Variants in PTPRQ observed in about 807,000 individuals in gnomAD.
The protein encoded by PTPRQ is protein tyrosine phosphatase receptor type Q.
A neutral mutation model predicts 246.0 loss-of-function variants in PTPRQ; 199 were observed. The ratio of observed to expected loss-of-function variants is 0.81; its 90% CI spans 0.72 to 0.91. The LOEUF (loss-of-function observed/expected upper bound fraction) is 0.91. PTPRQ is among the 40% of genes least tolerant of loss of function. The probability of loss-of-function intolerance (pLI) is 0.00; values close to 1 mark genes in which losing one functional copy is unlikely to be tolerated. For synonymous variants in PTPRQ, 869 were observed against 853.2 expected, an observed-to-expected ratio of 1.02 and a Z score of -0.32; for missense variants, 2,624 against 2,528.4, an observed-to-expected ratio of 1.04 and a Z score of -0.81.
chr12:80,506,344 A>G (rs752438557), intron 15 of PTPRQ, 138 bp downstream of exon 15: 2 of 965,574 alleles, frequency 2.1e-6, no homozygotes, highest in Non-Finnish European at 3.0e-6. Flanking sequence ...ATAAGCTAGG[A>G]GTTTATTGCA....
At chr12:80,444,680 T>C in intron 1 of PTPRQ, 61 bp from the exon 2 acceptor site, 8 of 1,261,480 alleles carry the variant, frequency 6.3e-6, no homozygotes, top group Non-Finnish European at 9.0e-6. Flanking sequence ...GATAGATTTA[T>C]TTTAGCTTGC....
At chr12:80,473,072 CACACAG>C (rs1424491143) in intron 8 of PTPRQ, among the ~76,000 whole-genome samples, 2 of 151,762 alleles carry the variant, frequency 1.3e-5, no homozygotes, top group African/African-American at 2.4e-5. Context: ...CACACACACA[CACACAG>C]GTCATACATT....
intron 8 of PTPRQ, among the ~76,000 whole-genome samples, chr12:80,479,672 A>C (rs1471888824): frequency 1.4e-5 from 2 of 142,006 alleles, no homozygotes; most frequent in Non-Finnish European, 3.1e-5. Flanking sequence ...AAATAAAAGG[A>C]TGGAGGAAGA....
intron 20 of PTPRQ, among the ~76,000 whole-genome samples, chr12:80,540,434 G>A (rs922736133): frequency 3.9e-5 from 6 of 152,018 alleles, no homozygotes; most frequent in Middle Eastern, 3.4e-3. Context: ...TATTTATCCC[G>A]AGTATTCAGA....
At chr12:80,471,127 G>A (rs552383243) in intron 7 of PTPRQ, among the ~76,000 whole-genome samples, 1 of 152,138 alleles carries the variant, frequency 6.6e-6, no homozygotes, top group Non-Finnish European at 1.5e-5. Flanking sequence ...TTTCACTGGT[G>A]ATACAGTATT....
At chr12:80,461,059 A>T (rs548898060) in intron 6 of PTPRQ, among the ~76,000 whole-genome samples, 157 bp downstream of exon 6, 5 of 152,312 alleles carry the variant, frequency 3.3e-5, no homozygotes, top group Middle Eastern at 3.4e-3. Flanking sequence ...TCGAATTTCT[A>T]TACTCTTTTA....
intron 25 of PTPRQ, among the ~76,000 whole-genome samples, chr12:80,572,084 T>C (rs1158240335): frequency 1.3e-5 from 2 of 152,086 alleles, no homozygotes; most frequent in Non-Finnish European, 2.9e-5. Context: ...TTCATTGGGA[T>C]TGCATCAGAT....
intron 25 of PTPRQ, among the ~76,000 whole-genome samples, chr12:80,579,224 ATC>A (rs1273824891): frequency 6.6e-6 from 1 of 152,176 alleles, no homozygotes; most frequent in African/African-American, 2.4e-5. Context: ...TCACTAATTA[ATC>A]TCTGTCTGTT....
At chr12:80,504,695 G>A (rs1894900254) in intron 14 of PTPRQ, among the ~76,000 whole-genome samples, 1 of 151,886 alleles carries the variant, frequency 6.6e-6, no homozygotes, top group Admixed American at 6.6e-5. Context: ...AGGAGTAATA[G>A]CAGCTCAGGA....
chr12:80,544,982 G>A (rs2120851836), intron 23 of PTPRQ, among the ~76,000 whole-genome samples: 2 of 152,126 alleles, frequency 1.3e-5, no homozygotes, highest in East Asian at 3.9e-4. Flanking sequence ...ATTAAAATAT[G>A]TTTGTAAGTA....
Position 80,472,124 on chromosome 12 carries a change from C to T in PTPRQ, c.1059C>T (p.Ser353=). The T allele has an allele frequency of 1.9e-6, 3 of 1,551,310 alleles. No homozygotes were observed. Among genetic ancestry groups the T allele is most frequent in the Non-Finnish European group, 2.6e-6 (3 of 1,146,918 alleles). ...YGPSGRILDN[S]TKDLKFAFTN... ...TTGCAGGTCGCATTTTGGATAACAG[C>T]ACAAAAGACCTCAAGTTTGCATTCA... The change falls in exon 8 of 45, where the codon AGC becomes AGT. Residue 353 remains serine (S), a synonymous_variant. Transcript: ENST00000644991.
At chr12:80,518,152 C>G (rs1895362524) in intron 17 of PTPRQ, among the ~76,000 whole-genome samples, 1 of 152,038 alleles carries the variant, frequency 6.6e-6, no homozygotes, top group African/African-American at 2.4e-5. Flanking sequence ...TTTGTTATTG[C>G]CTGTCTTTTG....
intron 25 of PTPRQ, chr12:80,584,007 T>C (rs1308211765): frequency 2.0e-5 from 3 of 152,180 alleles, no homozygotes; most frequent in African/African-American, 7.2e-5. Flanking sequence ...GTACGTTGAA[T>C]CCATCTCTTT....
intron 8 of PTPRQ, among the ~76,000 whole-genome samples, chr12:80,482,645 C>T (rs1267886643): frequency 4.0e-5 from 6 of 151,046 alleles, no homozygotes; most frequent in Non-Finnish European, 7.4e-5. Flanking sequence ...GGGCTAATAT[C>T]CAGAATCTGC....
At chr12:80,597,797 G>C (rs1269777271) in intron 26 of PTPRQ, among the ~76,000 whole-genome samples, 38 of 152,010 alleles carry the variant, frequency 2.5e-4, no homozygotes, top group Non-Finnish European at 1.0e-4. Context: ...GTAAGTCTGG[G>C]GTAGTGCCTC....
In PTPRQ at chr12:80,495,120, A is replaced by G. The variant is rs1355899524; in HGVS notation, c.1702+26A>G. On this transcript the variant is annotated intron_variant, in intron 11 of 44. Transcript: ENST00000644991. ...GTAAGGATGTATTTCCTTTGAAACA[A>G]TTAACTGCAAATATTGCTGTTGTAC... The G allele has an allele frequency of 5.8e-6, 9 of 1,550,232 alleles. No individual in the cohort carries two copies. In the East Asian group the frequency reaches 1.7e-4, roughly 30 times the overall value.
chr12:80,511,067 G>A (rs1895112083), intron 17 of PTPRQ, among the ~76,000 whole-genome samples: 1 of 151,982 alleles, frequency 6.6e-6, no homozygotes, highest in African/African-American at 2.4e-5. Flanking sequence ...CACCAATTAG[G>A]TAACACATTA....
intron 17 of PTPRQ, among the ~76,000 whole-genome samples, chr12:80,521,498 C>A (rs1302478047): frequency 6.6e-6 from 1 of 152,136 alleles, no homozygotes; most frequent in Non-Finnish European, 1.5e-5. Flanking sequence ...GGTTTTAGGT[C>A]TGACATTTAA....
At chr12:80,452,576 C>T (rs1293567069) in intron 3 of PTPRQ, among the ~76,000 whole-genome samples, 2 of 152,144 alleles carry the variant, frequency 1.3e-5, no homozygotes. Flanking sequence ...GACAAAATCT[C>T]TCAGCATTTG....
Sources: gnomAD v4.1 joint callset for allele counts (sites outside exome capture counted in the v4.1 genomes callset) on GRCh38, gnomAD v4.1.1 for gene constraint, MANE v1.5 for transcripts, NCBI Gene and HGNC (gene_info 2026-07-23, HGNC 2026-07-21) for gene names.